Variants in GLRX3 observed in about 807,000 individuals in gnomAD.
The protein encoded by GLRX3 is glutaredoxin 3, also known as glutaredoxin-3.
In GLRX3, 22 loss-of-function variants were observed where a neutral mutation model predicts 49.5. The observed-to-expected ratio is 0.44, with a 90% CI of 0.32 to 0.63. The LOEUF (loss-of-function observed/expected upper bound fraction) is 0.63, where lower values mean the gene tolerates loss of function less well. Among genes scored for constraint, GLRX3 ranks in the 30% least tolerant of loss-of-function variants. The pLI is 0.05. For synonymous variants in GLRX3, 133 were observed against 140.0 expected, an observed-to-expected ratio of 0.95 and a Z score of 0.35; for missense variants, 385 against 396.3, an observed-to-expected ratio of 0.97 and a Z score of 0.24.
intron 10 of GLRX3, 134 bp downstream of exon 10, chr10:130,175,223 C>G (rs1301131071): frequency 1.5e-6 from 1 of 663,708 alleles, no homozygotes; most frequent in Non-Finnish European, 2.7e-6. Context: ...CATTTCTAGA[C>G]CAGTATCACC....
At chr10:130,139,979 T>G (rs1862143397) in intron 1 of GLRX3, among the ~76,000 whole-genome samples, 1 of 152,232 alleles carries the variant, frequency 6.6e-6, no homozygotes, top group South Asian at 2.1e-4. Flanking sequence ...GTAATAATTT[T>G]AAATCTACTT....
At chr10:130,178,483 G>C (rs1431486046) in intron 10 of GLRX3, among the ~76,000 whole-genome samples, 1 of 151,892 alleles carries the variant, frequency 6.6e-6, no homozygotes, top group Admixed American at 6.6e-5. Context: ...TTGAACTCCT[G>C]ACTTCAAGTG....
At chr10:130,166,484 T>C (rs1862691977) in intron 4 of GLRX3, 23 bp from the exon 5 acceptor site, 1 of 1,593,412 alleles carries the variant, frequency 6.3e-7, no homozygotes, top group Non-Finnish European at 8.6e-7. Flanking sequence ...AGTTAAGTGC[T>C]TTATTTCTTT....
At chr10:130,169,389 G>T (rs748772882) in intron 6 of GLRX3, 44 bp from the exon 7 acceptor site, 1 of 1,217,586 alleles carries the variant, frequency 8.2e-7, no homozygotes, top group Non-Finnish European at 1.2e-6. Flanking sequence ...AAGTGGTGTT[G>T]CATAATTGAG....
At chr10:130,138,868 T>TTTTTG (rs1554954458) in intron 1 of GLRX3, among the ~76,000 whole-genome samples, 2 of 144,018 alleles carry the variant, frequency 1.4e-5, no homozygotes, top group African/African-American at 5.3e-5. Context: ...TTTTTTTTTT[T>TTTTTG]GGGGGGGAGA....
chr10:130,161,441 C>T (rs747440785), intron 4 of GLRX3, among the ~76,000 whole-genome samples: 22 of 152,120 alleles, frequency 1.4e-4, no homozygotes, highest in African/African-American at 4.6e-4. Context: ...AAAAAATTTG[C>T]GGAATTTTTC....
chr10:130,141,218 G>A (rs1046313368), intron 1 of GLRX3, among the ~76,000 whole-genome samples: 1 of 151,976 alleles, frequency 6.6e-6, no homozygotes. Context: ...TGAGGTGGGA[G>A]GATCACCTGA....
intron 2 of GLRX3, among the ~76,000 whole-genome samples, chr10:130,145,704 C>G (rs1862259204): frequency 6.6e-6 from 1 of 151,900 alleles, no homozygotes; most frequent in Non-Finnish European, 1.5e-5. Flanking sequence ...ATTTTATTAA[C>G]TAATATAAAG....
At chr10:130,162,815 C>G (rs550591384) in intron 4 of GLRX3, among the ~76,000 whole-genome samples, 2 of 152,170 alleles carry the variant, frequency 1.3e-5, no homozygotes, top group African/African-American at 4.8e-5. Flanking sequence ...CCCACCCCTG[C>G]GGCCTTAGCA....
intron 1 of GLRX3, among the ~76,000 whole-genome samples, chr10:130,143,066 G>A (rs1862204886): frequency 6.6e-6 from 1 of 152,094 alleles, no homozygotes. Context: ...CTTTCCTCAG[G>A]TTGGCAGCTT....
rs142769954 is a variant in GLRX3, at chr10:130,145,274, T to C, written c.156T>C (p.Val52=). Residue 52 remains valine (V), a synonymous_variant, in exon 2 of 11, where the codon GTT becomes GTC. Coordinates refer to ENST00000331244, the MANE Select transcript of GLRX3 (RefSeq NM_006541.5). ...CACAGTGTGCACAGATGAACGAAGTTATGGCAGAGTTAGCTAAAGAACTCC... is the reference window on the plus strand; with the variant it reads ...CACAGTGTGCACAGATGAACGAAGTCATGGCAGAGTTAGCTAAAGAACTCC... ...WAPQCAQMNE[V]MAELAKELPQ... 22 of 1,574,320 alleles carry C rather than the reference T, an allele frequency of 1.4e-5. No homozygotes were observed. Among genetic ancestry groups the C allele is most frequent in the Non-Finnish European group, 1.8e-5 (21 of 1,144,298 alleles).
intron 7 of GLRX3, among the ~76,000 whole-genome samples, chr10:130,169,693 G>A (rs1294107782): frequency 6.6e-6 from 1 of 152,202 alleles, no homozygotes; most frequent in Non-Finnish European, 1.5e-5. Flanking sequence ...TCTCAGTGGG[G>A]TGCATTTCTT....
rs1380362600 is a variant in GLRX3 at position 130,144,420 on chromosome 10, C to T, written c.93-791C>T. On this transcript the variant is annotated intron_variant, in intron 1 of 10. Coordinates refer to ENST00000331244, the MANE Select transcript of GLRX3 (RefSeq NM_006541.5). ...CCCATCATCTAGGTTTTAAGCCCTG[C>T]ATGCATTAGGTATTTGTCCTAATGC... Among the ~76,000 whole-genome samples, 5 of 152,028 alleles carry T rather than the reference C, an allele frequency of 3.3e-5. No homozygotes were observed. In the East Asian group the frequency reaches 7.8e-4, roughly 24 times the overall value.
In GLRX3 at chr10:130,171,633, C is replaced by T. The variant is rs370063094; in HGVS notation, c.821C>T (p.Thr274Ile). ...SKQILEILNS[T>I]GVEYETFDIL... ...CAAATTCTGGAAATACTAAATAGTACTGGGTATGTAAATGTTGTTTTCAAA... is the reference window on the plus strand; with the variant it reads ...CAAATTCTGGAAATACTAAATAGTATTGGGTATGTAAATGTTGTTTTCAAA... The change falls in exon 8 of 11, where the codon ACT becomes ATT. Residue 274 changes from threonine to isoleucine, a missense_variant. Coordinates refer to ENST00000331244, the MANE Select transcript of GLRX3 (RefSeq NM_006541.5). The T allele has an allele frequency of 6.8e-7, 1 of 1,480,056 alleles. No homozygotes were observed. The highest frequency in any genetic ancestry group is 9.4e-7 in the Non-Finnish European group (1 of 1,058,242). The allele number at this position is 1,480,056 out of a possible 1,614,324, so 91.7% of individuals were successfully genotyped here.
chr10:130,176,563 C>T (rs1862924327), intron 10 of GLRX3, among the ~76,000 whole-genome samples: 1 of 152,038 alleles, frequency 6.6e-6, no homozygotes, highest in Non-Finnish European at 1.5e-5. Context: ...CCTTTGGTGG[C>T]CTCTGTGTAG....
intron 2 of GLRX3, among the ~76,000 whole-genome samples, chr10:130,156,003 G>A (rs1316529928): frequency 6.6e-6 from 1 of 152,206 alleles, no homozygotes; most frequent in Non-Finnish European, 1.5e-5. Context: ...CCATGAAGTG[G>A]AACATGGTGT....
intron 2 of GLRX3, among the ~76,000 whole-genome samples, chr10:130,153,368 G>T (rs1226801667): frequency 2.0e-5 from 3 of 152,216 alleles, no homozygotes; most frequent in South Asian, 2.1e-4. Flanking sequence ...TCCTTTGGAG[G>T]AGAAGAGACG....
At chr10:130,145,914 C>T (rs1193131116) in intron 2 of GLRX3, among the ~76,000 whole-genome samples, 1 of 152,024 alleles carries the variant, frequency 6.6e-6, no homozygotes, top group African/African-American at 2.4e-5. Context: ...CTGCCTAAGC[C>T]TCCCGAGTAG....
intron 4 of GLRX3, among the ~76,000 whole-genome samples, chr10:130,163,786 C>G (rs1240535992): frequency 6.6e-6 from 1 of 152,132 alleles, no homozygotes. Context: ...TGTTTTTGCT[C>G]TTCTTCTGGC....
Sources: allele counts gnomAD v4.1 joint callset (sites outside exome capture counted in the v4.1 genomes callset), GRCh38; gene constraint gnomAD v4.1.1; transcripts MANE v1.5; gene names NCBI Gene and HGNC (gene_info 2026-07-23, HGNC 2026-07-21).